Variants in POLE observed in about 807,000 individuals in gnomAD.
POLE encodes the protein DNA polymerase epsilon catalytic subunit A.
POLE carries 188 observed loss-of-function variants against 279.2 expected under a neutral mutation model. The observed-to-expected ratio is 0.67, with a 90% CI of 0.60 to 0.76. The LOEUF is 0.76. POLE is among the 30% of genes least tolerant of loss of function. The probability of loss-of-function intolerance (pLI) is 0.00; values close to 1 mark genes in which losing one functional copy is unlikely to be tolerated. For missense variants in POLE, 2,703 were observed against 3,016.7 expected (o/e 0.90, Z 2.44); for synonymous variants, 1,214 against 1,172.5 (o/e 1.04, Z -0.72).
rs1032641410 is a variant in POLE, at chr12:132,624,441, C to A, written c.*256G>T. The stretch of plus-strand genomic sequence containing the variant: ...ACTGCGTGAGAAACGGCGCCCAGGG[C>A]ACTCGCAGCCTCGCTCACGGCCTGC... On this transcript the variant is annotated 3_prime_UTR_variant, in exon 49 of 49. Coordinates refer to ENST00000320574, the MANE Select transcript of POLE (RefSeq NM_006231.4). 131 of 562,702 alleles carry A rather than the reference C, an allele frequency of 2.3e-4. No homozygotes were observed. In the Middle Eastern group the frequency reaches 2.4e-3, roughly 10 times the overall value. The allele number at this position is 562,702 out of a possible 1,614,324, so 34.9% of individuals were successfully genotyped here. A position where few individuals can be genotyped will look rare whatever the true frequency, so the allele number is the denominator to read the frequency against.
Position 132,626,151 on chromosome 12 carries a change from T to C in POLE, c.6497A>G (p.Asp2166Gly), listed in dbSNP as rs2041833886. ...GGAAGAGTCTTTACACAGGTCCAGG[T>C]CGCGGCAGAAGTTACAGCTGCGGCA... Reference protein sequence around the residue: ...VICRSCNFCRDLDLCKDSSFS... With the variant: ...VICRSCNFCRGLDLCKDSSFS... Residue 2166 changes from aspartate (D) to glycine (G), a missense_variant, in exon 46 of 49, where the codon GAC (aspartate) becomes GGC (glycine). Coordinates refer to ENST00000320574, the MANE Select transcript of POLE (RefSeq NM_006231.4). 6.2e-7 allele frequency: 1 copy of C among 1,608,560 alleles called. No individual in the cohort carries two copies. Among genetic ancestry groups the C allele is most frequent in the Non-Finnish European group, 8.5e-7 (1 of 1,177,564 alleles).
In POLE at chr12:132,624,511, C is replaced by T; in HGVS notation, c.*186G>A. ...AGGCCAGGGCCACATCCTGCTCCCG[C>T]TCCCTCCTGTGACGTCTGAGCTCCC... On this transcript the variant is annotated 3_prime_UTR_variant, in exon 49 of 49. Coordinates refer to ENST00000320574, the MANE Select transcript of POLE (RefSeq NM_006231.4). 1.6e-6 allele frequency: 1 copy of T among 608,968 alleles called. No individual in the cohort carries two copies. Among genetic ancestry groups the T allele is most frequent in the Non-Finnish European group, 2.9e-6 (1 of 340,514 alleles). The allele number at this position is 608,968 out of a possible 1,614,324, so 37.7% of individuals were successfully genotyped here.
In POLE at chr12:132,661,086, C is replaced by A. The variant is rs1419254323; in HGVS notation, c.2943G>T (p.Leu981=). ...ACACCGAGGATTGGAAGATCTTAATCAGCTGCAGTTCCCCGCGGCGTTTGA... is the reference window on the plus strand; with the variant it reads ...ACACCGAGGATTGGAAGATCTTAATAAGCTGCAGTTCCCCGCGGCGTTTGA... The part of the protein sequence containing the change: ...FEVKRRGELQ[L]IKIFQSSVFE... The change falls in exon 25 of 49, where the codon CTG becomes CTT. Residue 981 remains leucine (L), a synonymous_variant. Coordinates refer to ENST00000320574, the MANE Select transcript of POLE (RefSeq NM_006231.4). This position sits in a 1 kb window ranked among gnomAD's most constrained non-coding sequence, Gnocchi z 4.1. 8 of 1,614,032 alleles carry A rather than the reference C, an allele frequency of 5.0e-6. No homozygotes were observed. Among genetic ancestry groups the A allele is most frequent in the African/African-American group, 1.3e-5 (1 of 74,984 alleles).
rs115225325 is a variant in POLE at position 132,668,394 on chromosome 12, C to A, written c.2135G>T (p.Arg712Leu). ...CTTCTCGTATTTCGCCTGTTCCTCGCGGGACAGTTCATGAAAGGCCCGAGC... is the reference window on the plus strand; with the variant it reads ...CTTCTCGTATTTCGCCTGTTCCTCGAGGGACAGTTCATGAAAGGCCCGAGC... ...GPARAFHELS[R>L]EEQAKYEKRR... The change falls in exon 19 of 49, where the codon CGC becomes CTC. Residue 712 changes from arginine (R) to leucine (L), a missense_variant. Physicochemically the swap from Arg to Leu is moderately radical, Grantham distance 102 (BLOSUM62 -2). Around this residue, in one of 5 missense-constraint regions of POLE, gnomAD observed 1,011 missense variants for 1,111.7 expected, o/e 0.91. Transcript: ENST00000320574. The surrounding 1 kb of genome is among the most constrained non-coding windows in gnomAD (Gnocchi z 4.0). The A allele has an allele frequency of 6.2e-7, 1 of 1,608,868 alleles. No homozygotes were observed. Among genetic ancestry groups the A allele is most frequent in the Middle Eastern group, 1.7e-4 (1 of 6,030 alleles).
intron 25 of POLE, 90 bp downstream of exon 25, chr12:132,660,879 T>A: frequency 1.9e-6 from 2 of 1,046,876 alleles, no homozygotes; most frequent in South Asian, 3.3e-5. Context: ...TCGGTCACCT[T>A]GGTCTCCAGG....
At chr12:132,626,055 AC>A in intron 46 of POLE, 61 bp downstream of exon 46, 1 of 1,484,704 alleles carries the variant, frequency 6.7e-7, no homozygotes, top group Non-Finnish European at 9.2e-7. Flanking sequence ...AGCCCTCAAG[AC>A]ACCGCAGTGC....
At chr12:132,679,835 C>T in intron 5 of POLE, 119 bp downstream of exon 5, 4 of 974,200 alleles carry the variant, frequency 4.1e-6, no homozygotes, top group Admixed American at 2.3e-5. Context: ...TATAGACGGT[C>T]ACCACACCGC....
chr12:132,672,771 G>A lies in POLE; in HGVS notation c.1542C>T (p.Ile514=). 6.2e-7 allele frequency: 1 copy of A among 1,614,178 alleles called. No homozygotes were observed. The highest frequency in any genetic ancestry group is 8.5e-7 in the Non-Finnish European group (1 of 1,180,028). ...CCTGCTCTTGCTTGTTGGGGAAGAT[G>A]ATGTTGGCGTGGAAGGCCTGCACCA... ...LLMVQAFHAN[I]IFPNKQEQEF... The change falls in exon 15 of 49, where the codon ATC becomes ATT. Residue 514 remains isoleucine (I), a synonymous_variant. Coordinates refer to ENST00000320574, the MANE Select transcript of POLE (RefSeq NM_006231.4).
At chr12:132,648,208 T>A (rs1372201393) in intron 32 of POLE, among the ~76,000 whole-genome samples, 1 of 152,062 alleles carries the variant, frequency 6.6e-6, no homozygotes, top group Non-Finnish European at 1.5e-5. Context: ...TAGGGTTCCA[T>A]TTACATCAAA....
intron 46 of POLE, 57 bp from the exon 47 acceptor site, chr12:132,625,827 T>C (rs1206972773): frequency 1.7e-5 from 27 of 1,585,262 alleles, no homozygotes; most frequent in Middle Eastern, 3.4e-4. Context: ...CACAGTGCCA[T>C]GGGCAGGATC....
At chr12:132,645,204 T>C (rs2042253983) in intron 32 of POLE, among the ~76,000 whole-genome samples, 1 of 98,836 alleles carries the variant, frequency 1.0e-5, no homozygotes, top group Non-Finnish European at 2.0e-5. Flanking sequence ...GGGTGCACCC[T>C]AGCTTCCTGT....
At position 132,680,621 on chromosome 12, in the gene POLE, C is replaced by A. The variant is rs1316316435; in HGVS notation, c.271G>T (p.Gly91Ter). ...AVDYYFIQDD[G>*]SRFKVALPYK... ...CAGGGGCTTACCTTAAATCTGCTTC[C>A]GTCATCTTGAATAAAGTAGTAATCC... Residue 91 changes from glycine to a stop codon, truncating the protein, a stop_gained, in exon 3 of 49, where the codon GGA becomes TGA. Transcript: ENST00000320574. LOFTEE classifies it high-confidence loss of function. 6.2e-7 allele frequency: 1 copy of A among 1,613,492 alleles called. No homozygotes were observed. Among genetic ancestry groups the A allele is most frequent in the Non-Finnish European group, 8.5e-7 (1 of 1,179,562 alleles).
chr12:132,664,330 G>C lies in POLE; in HGVS notation c.2561+40C>G, dbSNP rs1325722297. ...TCCTTCCTGCCCATGCTTGCCCCCA[G>C]GACCTGCTCCCAGCCCCACGGCTCC... On this transcript the variant is annotated intron_variant, in intron 22 of 48. Transcript: ENST00000320574. The surrounding 1 kb of genome is among the most constrained non-coding windows in gnomAD (Gnocchi z 5.3). 6.3e-7 allele frequency: 1 copy of C among 1,582,932 alleles called. No individual in the cohort carries two copies.
Position 132,633,965 on chromosome 12 carries a change from G to C in POLE, c.6004+221C>G. 4.2e-6 allele frequency: 2 copies of C among 476,858 alleles called. 1 individual carries two copies. Among genetic ancestry groups the C allele is most frequent in the Non-Finnish European group, 7.4e-6 (2 of 270,226 alleles). 29.5% of individuals were successfully genotyped at this position (476,858 alleles called of 1,614,324 possible). A position where few individuals can be genotyped will look rare whatever the true frequency, so the allele number is the denominator to read the frequency against. ...CCCCATGGAGTTTCCTGAGAGCAAA[G>C]GCTGGAGGGAAGACAGTCACCCCTC... On this transcript the variant is annotated intron_variant, in intron 43 of 48. Transcript: ENST00000320574.
In POLE at chr12:132,675,343, T is replaced by G; in HGVS notation, c.1226+55A>C. ...GTGACAGCACAGTCTGCAAGAGGCC[T>G]TCAGATCTCGCTCACGGACAGCAGT... On this transcript the variant is annotated intron_variant, in intron 12 of 48. Transcript: ENST00000320574. The surrounding 1 kb of genome is among the most constrained non-coding windows in gnomAD (Gnocchi z 4.3). 1 of 1,593,306 alleles carries G rather than the reference T, an allele frequency of 6.3e-7. No individual in the cohort carries two copies. The highest frequency in any genetic ancestry group is 8.5e-7 in the Non-Finnish European group (1 of 1,169,622).
intron 41 of POLE, among the ~76,000 whole-genome samples, chr12:132,637,577 G>A (rs2042058336): frequency 6.6e-6 from 1 of 151,970 alleles, no homozygotes; most frequent in African/African-American, 2.4e-5. Context: ...ACCACACCAG[G>A]CTCTGACAGC....
intron 23 of POLE, among the ~76,000 whole-genome samples, chr12:132,663,327 A>G (rs2042720210): frequency 6.6e-6 from 1 of 152,102 alleles, no homozygotes; most frequent in Non-Finnish European, 1.5e-5. Context: ...AGCCGTCCCC[A>G]CAACACACCC....
chr12:132,624,349 C>T lies in POLE; in HGVS notation c.*348G>A. 5.3e-6 allele frequency: 2 copies of T among 380,874 alleles called. No homozygotes were observed. Among genetic ancestry groups the T allele is most frequent in the East Asian group, 8.7e-5 (2 of 22,918 alleles). 23.6% of individuals were successfully genotyped at this position (380,874 alleles called of 1,614,324 possible). A position where few individuals can be genotyped will look rare whatever the true frequency, so the allele number is the denominator to read the frequency against. On this transcript the variant is annotated 3_prime_UTR_variant, in exon 49 of 49. Transcript: ENST00000320574. The stretch of plus-strand genomic sequence containing the variant: ...GGGAGGCAGGACAAAGAACTAGGGG[C>T]ACCTAGAGGACGCTCCCACCCCACC...
chr12:132,672,194 T>A (rs2042943187), intron 16 of POLE, 21 bp downstream of exon 16: 1 of 1,562,472 alleles, frequency 6.4e-7, no homozygotes, highest in African/African-American at 1.4e-5. Flanking sequence ...GACTGGCTCT[T>A]CCTGCCTCCC....
Sources: allele counts gnomAD v4.1 joint callset (sites outside exome capture counted in the v4.1 genomes callset), GRCh38; gene constraint gnomAD v4.1.1; regional missense constraint gnomAD v4.1.1; non-coding constraint Gnocchi (gnomAD v3.1); transcripts MANE v1.5; gene names NCBI Gene and HGNC (gene_info 2026-07-23, HGNC 2026-07-21).